Variants in TINAG observed in about 807,000 individuals in gnomAD.
TINAG encodes the protein tubulointerstitial nephritis antigen.
Under a neutral mutation model 72.7 loss-of-function variants are expected in TINAG, and 83 were observed. That is an observed-to-expected ratio of 1.14 (90% CI 0.96 to 1.37). The LOEUF (loss-of-function observed/expected upper bound fraction) is 1.37. Ranked by LOEUF, TINAG falls within the 40% of genes most tolerant of loss-of-function variation. The probability of loss-of-function intolerance (pLI) is 0.00; values close to 1 mark genes in which losing one functional copy is unlikely to be tolerated. For synonymous variants in TINAG, 234 were observed against 189.9 expected, an observed-to-expected ratio of 1.23 and a Z score of -1.91; for missense variants, 685 against 576.6, an observed-to-expected ratio of 1.19 and a Z score of -1.93.
At chr6:54,371,110 C>CTGTGTGTG (rs70983416) in intron 9 of TINAG, among the ~76,000 whole-genome samples, 363 of 149,080 alleles carry the variant, frequency 2.4e-3, no homozygotes, top group African/African-American at 6.9e-3. Context: ...CTTACGAAAA[C>CTGTGTGTG]TGTGTGTGTG....
At chr6:54,370,266 G>A (rs1012429208) in intron 9 of TINAG, among the ~76,000 whole-genome samples, 9 of 152,056 alleles carry the variant, frequency 5.9e-5, no homozygotes, top group African/African-American at 2.2e-4. Context: ...TTTCTTTTAT[G>A]TGAGTTTACT....
intron 10 of TINAG, among the ~76,000 whole-genome samples, chr6:54,382,826 G>T (rs892735092): frequency 3.3e-5 from 5 of 152,110 alleles, no homozygotes; most frequent in Admixed American, 3.3e-4. Context: ...TTGTTTACAG[G>T]AGAGAGACAA....
rs775565508 is a variant in TINAG at position 54,349,687 on chromosome 6, A to G, written c.900-29A>G. The G allele has an allele frequency of 2.7e-6, 4 of 1,508,982 alleles. No homozygotes were observed. The Admixed American group carries it at 5.9e-5, about 22-fold the overall frequency. The allele number at this position is 1,508,982 out of a possible 1,614,324, so 93.5% of individuals were successfully genotyped here. On this transcript the variant is annotated intron_variant, in intron 6 of 10. Transcript: ENST00000259782. ...ATATTACGACATTCTCCTAAATATTACCTTTGCTTCTTTGCTTATTCCTCA... is the reference window on the plus strand; with the variant it reads ...ATATTACGACATTCTCCTAAATATTGCCTTTGCTTCTTTGCTTATTCCTCA...
chr6:54,349,821 G>T lies in TINAG; in HGVS notation c.1005G>T (p.Thr335=). 1.2e-6 allele frequency: 2 copies of T among 1,610,936 alleles called. No individual in the cohort carries two copies. The highest frequency in any genetic ancestry group is 1.7e-6 in the Non-Finnish European group (2 of 1,178,084). ...ATGGGCGAGGAAAACGGCATGCCAC[G>T]AAGCCATGTCCCAACAACGTAGAAA... ...RSDGRGKRHA[T]KPCPNNVEKS... is the part of the protein sequence containing the mutation. The change falls in exon 7 of 11, where the codon ACG becomes ACT. Residue 335 remains threonine, a synonymous_variant. Transcript: ENST00000259782.
intron 7 of TINAG, 149 bp downstream of exon 7, chr6:54,350,045 G>T: frequency 3.8e-6 from 2 of 524,070 alleles, no homozygotes; most frequent in Non-Finnish European, 2.7e-6. Context: ...TATTTTTAAG[G>T]ACTTTCAGTT....
intron 4 of TINAG, among the ~76,000 whole-genome samples, chr6:54,330,789 A>G (rs1426525907): frequency 1.3e-5 from 2 of 152,232 alleles, no homozygotes; most frequent in Non-Finnish European, 2.9e-5. Context: ...CACTGATACC[A>G]CAGAAATACA....
intron 9 of TINAG, among the ~76,000 whole-genome samples, chr6:54,357,955 G>C (rs116259027): frequency 6.6e-6 from 1 of 151,806 alleles, no homozygotes; most frequent in South Asian, 2.1e-4. Context: ...AACATATTCT[G>C]AGGACTCTCC....
upstream of TINAG, chr6:54,308,002 G>A (rs1419925599): frequency 1.2e-5 from 19 of 1,540,578 alleles, no homozygotes; most frequent in Non-Finnish European, 1.7e-5. Context: ...AATCAAACCA[G>A]TGTGTGACTG....
intron 9 of TINAG, among the ~76,000 whole-genome samples, chr6:54,367,515 A>G (rs1169808156): frequency 6.6e-6 from 1 of 151,854 alleles, no homozygotes; most frequent in East Asian, 1.9e-4. Flanking sequence ...GCATAAAAGT[A>G]TATAGAAGCA....
chr6:54,367,397 G>A (rs1004719500), intron 9 of TINAG, among the ~76,000 whole-genome samples: 5 of 151,678 alleles, frequency 3.3e-5, no homozygotes, highest in African/African-American at 9.7e-5. Context: ...GATGAGCTCC[G>A]GGAAATACAT....
intron 1 of TINAG, among the ~76,000 whole-genome samples, chr6:54,318,029 A>G (rs1182917202): frequency 1.3e-5 from 2 of 150,778 alleles, no homozygotes; most frequent in African/African-American, 2.4e-5. Context: ...CCTCTCCTCA[A>G]TTTTCTGTTC....
At chr6:54,310,206 C>T (rs13211539) in intron 1 of TINAG, among the ~76,000 whole-genome samples, 2 of 151,790 alleles carry the variant, frequency 1.3e-5, no homozygotes, top group Non-Finnish European at 2.9e-5. Flanking sequence ...CCTCAGCCTC[C>T]TGAGTAGCCA....
chr6:54,348,324 G>A (rs1021358210), intron 6 of TINAG, among the ~76,000 whole-genome samples: 1 of 152,064 alleles, frequency 6.6e-6, no homozygotes, highest in South Asian at 2.1e-4. Context: ...TACTTTCCTT[G>A]TGTACTAGTG....
chr6:54,358,227 C>A (rs1763115342), intron 9 of TINAG, among the ~76,000 whole-genome samples: 1 of 151,842 alleles, frequency 6.6e-6, no homozygotes, highest in Non-Finnish European at 1.5e-5. Flanking sequence ...TCCAGCAATC[C>A]TGATCCCCCT....
intron 4 of TINAG, among the ~76,000 whole-genome samples, chr6:54,330,641 C>T (rs565174807): frequency 6.6e-6 from 1 of 152,016 alleles, no homozygotes; most frequent in East Asian, 1.9e-4. Flanking sequence ...CATGAAAAAC[C>T]CTTCAAAACA....
intron 9 of TINAG, among the ~76,000 whole-genome samples, chr6:54,368,831 C>G (rs1385289369): frequency 1.3e-5 from 2 of 151,414 alleles, no homozygotes; most frequent in African/African-American, 4.8e-5. Context: ...TTAAAAACTA[C>G]TATTAAGTAC....
At chr6:54,367,477 T>A (rs944496185) in intron 9 of TINAG, among the ~76,000 whole-genome samples, 5 of 151,770 alleles carry the variant, frequency 3.3e-5, no homozygotes, top group African/African-American at 4.8e-5. Context: ...CAGGTAATAT[T>A]GTAAATTCAT....
chr6:54,335,167 A>G (rs1784831374), intron 4 of TINAG, among the ~76,000 whole-genome samples: 1 of 152,158 alleles, frequency 6.6e-6, no homozygotes, highest in African/African-American at 2.4e-5. Flanking sequence ...TGCAGCTTGG[A>G]ATATTTTATG....
At chr6:54,341,037 T>A (rs1310129287) in intron 4 of TINAG, among the ~76,000 whole-genome samples, 2 of 152,168 alleles carry the variant, frequency 1.3e-5, no homozygotes, top group Non-Finnish European at 2.9e-5. Flanking sequence ...TGCTGAATTG[T>A]GTTTAAAGTA....
Sources: allele counts gnomAD v4.1 joint callset (sites outside exome capture counted in the v4.1 genomes callset), GRCh38; gene constraint gnomAD v4.1.1; transcripts MANE v1.5; gene names NCBI Gene and HGNC (gene_info 2026-07-23, HGNC 2026-07-21).